Variants in ANKRD35 observed in about 807,000 individuals in gnomAD.
ANKRD35 encodes ankyrin repeat domain 35, also known as ankyrin repeat domain-containing protein 35.
ANKRD35 carries 102 observed loss-of-function variants against 109.9 expected under a neutral mutation model. That is an observed-to-expected ratio of 0.93 (90% confidence interval 0.79 to 1.09). The LOEUF is 1.09. Among genes scored for constraint, ANKRD35 ranks in the 50% least tolerant of loss-of-function variants. The pLI is 0.00. For missense variants in ANKRD35, 1,240 were observed against 1,230.1 expected (o/e 1.01, Z -0.12); for synonymous variants, 515 against 512.4 (o/e 1.01, Z -0.07).
At chr1:145,885,300 G>A (rs1055211355) in intron 1 of ANKRD35, among the ~76,000 whole-genome samples, 1 of 152,086 alleles carries the variant, frequency 6.6e-6, no homozygotes, top group Non-Finnish European at 1.5e-5. Context: ...GGGCAGGGAT[G>A]AAATATGGGG....
chr1:145,873,185 C>T lies in ANKRD35; in HGVS notation c.1584G>A (p.Glu528=). The change falls in exon 10 of 14, where the codon GAG becomes GAA. Residue 528 remains glutamate (E), a synonymous_variant. Transcript: ENST00000355594. ...MEGALGTPRA[E]AAAAAWEKME... ...TCTTCTCCCAGGCAGCTGCTGCTGCCTCAGCACGGGGAGTCCCCAGGGCTC... is the reference window on the plus strand; with the variant it reads ...TCTTCTCCCAGGCAGCTGCTGCTGCTTCAGCACGGGGAGTCCCCAGGGCTC... The T allele has an allele frequency of 2.5e-6, 4 of 1,614,096 alleles. No individual in the cohort carries two copies. Among genetic ancestry groups the T allele is most frequent in the Non-Finnish European group, 3.4e-6 (4 of 1,179,994 alleles).
rs782423943 is a variant in ANKRD35 at position 145,872,484 on chromosome 1, G to T, written c.2285C>A (p.Ser762Tyr). 6.3e-7 allele frequency: 1 copy of T among 1,596,284 alleles called. No homozygotes were observed. The highest frequency in any genetic ancestry group is 8.5e-7 in the Non-Finnish European group (1 of 1,172,312). ...GGAGGTGCCTGGCTCCCTACACGGG[G>T]ACAAGGACCCCCGCAACTGCTGGTT... ...EENQQLRGSL[S>Y]PCREPGTSLK... is the part of the protein sequence containing the mutation. Residue 762 changes from serine to tyrosine, a missense_variant, in exon 10 of 14, where the codon TCC becomes TAC. Coordinates refer to ENST00000355594, the MANE Select transcript of ANKRD35 (RefSeq NM_144698.5).
intron 6 of ANKRD35, 107 bp downstream of exon 6, chr1:145,876,461 AG>A: frequency 7.6e-7 from 1 of 1,315,406 alleles, no homozygotes; most frequent in Non-Finnish European, 1.1e-6. Flanking sequence ...AAGGAAGAGA[AG>A]GGTGGTGCTA....
At chr1:145,871,902 G>A (rs797042340) in intron 10 of ANKRD35, 80 bp downstream of exon 10, 3 of 1,546,308 alleles carry the variant, frequency 1.9e-6, no homozygotes, top group Non-Finnish European at 2.6e-6. Context: ...TGCAATAAAG[G>A]TTGCTGGATT....
At chr1:145,870,090 A>ATTTTTT (rs35685393) in intron 10 of ANKRD35, among the ~76,000 whole-genome samples, 30 of 138,624 alleles carry the variant, frequency 2.2e-4, no homozygotes, top group African/African-American at 8.2e-4. Flanking sequence ...AGAGTTCCAA[A>ATTTTTT]TTTTTTTTTT....
chr1:145,871,916 G>C, intron 10 of ANKRD35, 66 bp downstream of exon 10: 1 of 1,578,210 alleles, frequency 6.3e-7, no homozygotes, highest in Non-Finnish European at 8.6e-7. Flanking sequence ...CTGGATTCAG[G>C]TTAGTAAACT....
Position 145,872,456 on chromosome 1 carries a change from T to C in ANKRD35, c.2313A>G (p.Leu771=). The stretch of plus-strand genomic sequence containing the variant: ...CCACTTGGGGGGATGCTGGGGCCTT[T>C]AAGGAGGTGCCTGGCTCCCTACACG... The part of the protein sequence containing the change: ...LSPCREPGTS[L]KAPASPQVAA... Residue 771 remains leucine (L), a synonymous_variant, in exon 10 of 14, where the codon TTA becomes TTG. Transcript: ENST00000355594. 6.2e-7 allele frequency: 1 copy of C among 1,606,234 alleles called. No individual in the cohort carries two copies. Among genetic ancestry groups the C allele is most frequent in the Non-Finnish European group, 8.5e-7 (1 of 1,176,980 alleles).
At chr1:145,870,617 C>A (rs1372363937) in intron 10 of ANKRD35, among the ~76,000 whole-genome samples, 1 of 152,192 alleles carries the variant, frequency 6.6e-6, no homozygotes, top group Non-Finnish European at 1.5e-5. Context: ...AAAATACTTT[C>A]TTTAATTAAC....
At chr1:145,876,930 A>C (rs904594572) in intron 4 of ANKRD35, 57 bp from the exon 5 acceptor site, 22 of 1,586,224 alleles carry the variant, frequency 1.4e-5, no homozygotes, top group Non-Finnish European at 1.8e-5. Flanking sequence ...TCCTCATCCC[A>C]TACCCCCATT....
chr1:145,867,199 G>C, intron 13 of ANKRD35, 88 bp downstream of exon 13: 2 of 883,668 alleles, frequency 2.3e-6, no homozygotes. Flanking sequence ...CCACCACGGG[G>C]GCAAAAGGGA....
chr1:145,882,774 G>C (rs1236024842), intron 1 of ANKRD35, among the ~76,000 whole-genome samples: 2 of 152,174 alleles, frequency 1.3e-5, no homozygotes, highest in African/African-American at 4.8e-5. Context: ...GCTTACCCCA[G>C]CACCTTGGAA....
At chr1:145,870,362 G>A (rs11582070) in intron 10 of ANKRD35, among the ~76,000 whole-genome samples, 10 of 152,164 alleles carry the variant, frequency 6.6e-5, no homozygotes, top group Non-Finnish European at 1.3e-4. Context: ...AAAGTGCTGG[G>A]ATTACAGTCA....
chr1:145,876,374 C>T (rs923072060), intron 6 of ANKRD35, 128 bp from the exon 7 acceptor site: 19 of 1,133,370 alleles, frequency 1.7e-5, no homozygotes, highest in Non-Finnish European at 2.4e-5. Flanking sequence ...CTGAACACTC[C>T]CTTTTGGAGG....
At position 145,867,848 on chromosome 1, in the gene ANKRD35, G is replaced by A. The variant is rs1653664449; in HGVS notation, c.2943+143C>T. 4 of 742,900 alleles carry A rather than the reference G, an allele frequency of 5.4e-6. No individual in the cohort carries two copies. In the Admixed American group the frequency reaches 6.7e-5, roughly 12 times the overall value. The allele number at this position is 742,900 out of a possible 1,614,324, so 46.0% of individuals were successfully genotyped here. A position where few individuals can be genotyped will look rare whatever the true frequency, so the allele number is the denominator to read the frequency against. ...CAACCTCTCTTGATCTACCAAATGA[G>A]ATCAGAGACCTAGCACTGGATCCAG... On this transcript the variant is annotated intron_variant, in intron 12 of 13. Transcript: ENST00000355594.
Position 145,873,505 on chromosome 1 carries a change from G to T in ANKRD35, c.1264C>A (p.Pro422Thr). ...CTCTGGGGTGGCCCCTGTTCTTCTG[G>T]TTGGGACCTTCCATGGACTTCATAC... ...IQYEVHGRSQ[P>T]EEQGPPQSPA... is the part of the protein sequence containing the mutation. The change falls in exon 10 of 14, where the codon CCA becomes ACA. Residue 422 changes from proline (P) to threonine (T), a missense_variant. Pro to Thr is a conservative substitution (Grantham distance 38). Transcript: ENST00000355594. The T allele has an allele frequency of 1.2e-6, 2 of 1,614,010 alleles. No individual in the cohort carries two copies. Among genetic ancestry groups the T allele is most frequent in the South Asian group, 2.2e-5 (2 of 91,070 alleles).
intron 2 of ANKRD35, among the ~76,000 whole-genome samples, 168 bp from the exon 3 acceptor site, chr1:145,878,647 C>T: frequency 6.6e-6 from 1 of 152,296 alleles, no homozygotes; most frequent in East Asian, 1.9e-4. Flanking sequence ...TCTATATGGC[C>T]TCCAATCACA....
chr1:145,869,179 GTT>G (rs68187768), intron 10 of ANKRD35, among the ~76,000 whole-genome samples: 70,717 of 150,450 alleles, frequency 0.47, 16,934 homozygotes, highest in East Asian at 0.71. Flanking sequence ...TTGTTTTTTT[GTT>G]TTTTTTTGTT....
chr1:145,877,520 C>T (rs1322861836), intron 4 of ANKRD35, among the ~76,000 whole-genome samples: 2 of 152,138 alleles, frequency 1.3e-5, no homozygotes, highest in Admixed American at 6.5e-5. Flanking sequence ...CATGAGCCAC[C>T]GCACCCGGCC....
chr1:145,869,738 G>A (rs1653741707), intron 10 of ANKRD35, among the ~76,000 whole-genome samples: 1 of 152,206 alleles, frequency 6.6e-6, no homozygotes, highest in African/African-American at 2.4e-5. Flanking sequence ...CAAAGTGCTG[G>A]GATTACAGGC....
Sources: gnomAD v4.1 joint callset for allele counts (sites outside exome capture counted in the v4.1 genomes callset) on GRCh38, gnomAD v4.1.1 for gene constraint, MANE v1.5 for transcripts, NCBI Gene and HGNC (gene_info 2026-07-23, HGNC 2026-07-21) for gene names.